The following PTPRN2 variants were observed in gnomAD, a reference collection of about 807,000 sequenced individuals.
PTPRN2 encodes protein tyrosine phosphatase receptor type N2.
A neutral mutation model predicts 118.8 loss-of-function variants in PTPRN2; 74 were observed. That is an observed-to-expected ratio of 0.62 (90% CI 0.52 to 0.76). The LOEUF is 0.76. Among genes scored for constraint, PTPRN2 ranks in the 30% least tolerant of loss-of-function variants. The probability of loss-of-function intolerance (pLI) is 0.00; values close to 1 mark genes in which losing one functional copy is unlikely to be tolerated. For missense variants in PTPRN2, 1,481 were observed against 1,394.4 expected, an observed-to-expected ratio of 1.06 and a Z score of -0.99; for synonymous variants, 641 against 608.0, an observed-to-expected ratio of 1.05 and a Z score of -0.80.
intron 3 of PTPRN2, among the ~76,000 whole-genome samples, chr7:158,270,771 T>TCCACCTGGGCCGCCCC (rs1798286899): frequency 2.0e-5 from 2 of 100,892 alleles, no homozygotes; most frequent in Admixed American, 1.0e-4. Flanking sequence ...GACCACCCCG[T>TCCACCTGGGCCGCCCC]CCACCTGGAC....
chr7:157,556,595 CCAAA>C (rs1319402784), intron 21 of PTPRN2, among the ~76,000 whole-genome samples: 13 of 149,760 alleles, frequency 8.7e-5, no homozygotes, highest in African/African-American at 2.5e-4. Context: ...ATGCACACAT[CCAAA>C]CACACACACC....
rs145212749 is a variant in PTPRN2 at position 158,224,984 on chromosome 7, T to A, written c.278-19711A>T. ...CGAAGAGATGCTGACCATCATCTCATCAGGGAAATGTCAATTACACCCACA... is the reference window on the plus strand; with the variant it reads ...CGAAGAGATGCTGACCATCATCTCAACAGGGAAATGTCAATTACACCCACA... On this transcript the variant is annotated intron_variant, in intron 3 of 22. Coordinates refer to ENST00000389418, the MANE Select transcript of PTPRN2 (RefSeq NM_002847.5). Among the ~76,000 whole-genome samples the A allele has an allele frequency of 2.0e-5, 3 of 152,186 alleles. No individual in the cohort carries two copies. In the East Asian group the frequency reaches 5.8e-4, roughly 30 times the overall value.
At chr7:157,867,336 C>G (rs1166347582) in intron 12 of PTPRN2, among the ~76,000 whole-genome samples, 1 of 122,408 alleles carries the variant, frequency 8.2e-6, no homozygotes, top group East Asian at 2.7e-4. Context: ...GTCCCTGACA[C>G]CCTGGATACA....
chr7:158,030,417 G>T (rs1563343913), intron 11 of PTPRN2: 1 of 152,190 alleles, frequency 6.6e-6, no homozygotes, highest in Admixed American at 6.5e-5. Flanking sequence ...GCTGCTTGGG[G>T]ACTATGTCCC....
chr7:157,799,830 C>T (rs571616638), intron 12 of PTPRN2, among the ~76,000 whole-genome samples: 19 of 132,506 alleles, frequency 1.4e-4, no homozygotes, highest in East Asian at 7.9e-4. Flanking sequence ...CACAGCCGGC[C>T]CCCTCCATCC....
intron 11 of PTPRN2, among the ~76,000 whole-genome samples, chr7:157,966,381 CCAT>C (rs1801929982): frequency 6.6e-6 from 1 of 151,478 alleles, no homozygotes; most frequent in Non-Finnish European, 1.5e-5. Context: ...ACCATCATTA[CCAT>C]CATCTTCATC....
intron 11 of PTPRN2, among the ~76,000 whole-genome samples, chr7:157,906,646 A>G (rs201398837): frequency 6.9e-6 from 1 of 145,460 alleles, no homozygotes; most frequent in Admixed American, 6.8e-5. Flanking sequence ...AAAAAAAAAA[A>G]GGTTTAAACA....
chr7:157,690,432 GGT>G lies in PTPRN2; in HGVS notation c.1789-7497_1789-7496del, dbSNP rs1563348938. Among the ~76,000 whole-genome samples the G allele has an allele frequency of 6.6e-6, 1 of 152,134 alleles. No homozygotes were observed. The highest frequency in any genetic ancestry group is 1.5e-5 in the Non-Finnish European group (1 of 68,008). ...TCCTCGCCCCACCACCTACGCGCCT[GGT>G]GATGCTCTCGTGGGCCCTTCCTGCT... On this transcript the variant is annotated intron_variant, in intron 12 of 22. Transcript: ENST00000389418. The surrounding 1 kb of genome is among the most constrained non-coding windows in gnomAD (Gnocchi z 7.1).
At chr7:158,145,966 G>A (rs1025314888) in intron 6 of PTPRN2, among the ~76,000 whole-genome samples, 22 of 152,190 alleles carry the variant, frequency 1.4e-4, no homozygotes, top group African/African-American at 5.1e-4. Flanking sequence ...GGTGACAAGT[G>A]AGGCATGGGC....
chr7:157,820,257 C>A (rs780159956), intron 12 of PTPRN2, among the ~76,000 whole-genome samples: 75 of 151,222 alleles, frequency 5.0e-4, no homozygotes, highest in Non-Finnish European at 8.8e-4. Context: ...TCCACACATG[C>A]AGCAGACACA....
chr7:157,664,083 TC>T (rs1218201336), intron 13 of PTPRN2, among the ~76,000 whole-genome samples: 1 of 152,142 alleles, frequency 6.6e-6, no homozygotes, highest in Non-Finnish European at 1.5e-5. Flanking sequence ...GAGCTGTTTT[TC>T]CCCTCCCAAG....
At chr7:158,096,765 C>A (rs1477804385) in intron 10 of PTPRN2, among the ~76,000 whole-genome samples, 1 of 152,232 alleles carries the variant, frequency 6.6e-6, no homozygotes, top group Non-Finnish European at 1.5e-5. Context: ...CTTGGCAAAT[C>A]CAGAACACAG....
intron 2 of PTPRN2, among the ~76,000 whole-genome samples, chr7:158,488,936 G>C (rs1821231982): frequency 6.6e-6 from 1 of 152,256 alleles, no homozygotes; most frequent in African/African-American, 2.4e-5. Context: ...AGAGCGCACA[G>C]CGCCCAGTTC....
intron 6 of PTPRN2, among the ~76,000 whole-genome samples, chr7:158,149,603 G>A (rs1173691487): frequency 6.6e-6 from 1 of 152,130 alleles, no homozygotes; most frequent in Non-Finnish European, 1.5e-5. Context: ...AGGAGTTCGA[G>A]ACCAGCCTGG....
At chr7:158,181,199 G>A (rs937003717) in intron 5 of PTPRN2, among the ~76,000 whole-genome samples, 1 of 152,014 alleles carries the variant, frequency 6.6e-6, no homozygotes, top group Non-Finnish European at 1.5e-5. Flanking sequence ...TGAGATAATC[G>A]TATGGTGTTT....
chr7:157,726,984 C>G (rs902783230), intron 12 of PTPRN2, among the ~76,000 whole-genome samples: 1 of 152,012 alleles, frequency 6.6e-6, no homozygotes, highest in Non-Finnish European at 1.5e-5. Flanking sequence ...TGACTCTTAC[C>G]GAAAAAAACA....
rs553457272 is a variant in PTPRN2 at position 157,632,580 on chromosome 7, A to C, written c.2197-11071T>G. On this transcript the variant is annotated intron_variant, in intron 14 of 22. Coordinates refer to ENST00000389418, the MANE Select transcript of PTPRN2 (RefSeq NM_002847.5). The surrounding 1 kb of genome is among the most constrained non-coding windows in gnomAD (Gnocchi z 4.3). ...GTTGGGCATTTTTTAGCAAGATATC[A>C]TATTAGGGAGTGTGCGTAGGAGGGG... Among the ~76,000 whole-genome samples the C allele has an allele frequency of 4.9e-4, 75 of 152,294 alleles. No homozygotes were observed. The highest frequency in any genetic ancestry group is 7.9e-4 in the Non-Finnish European group (54 of 68,036).
rs57453915 is a variant in PTPRN2, at chr7:157,827,362, C to CCACAACACAACACAACACAACACAA, written c.1788+71286_1788+71310dup. ...ATTTATGGATGAAGGAAGCCAGAGA[C>CCACAACACAACACAACACAACACAA]CACAACACAACACAACACAACACAA... is the stretch of plus-strand genomic sequence containing the variant. On this transcript the variant is annotated intron_variant, in intron 12 of 22. Coordinates refer to ENST00000389418, the MANE Select transcript of PTPRN2 (RefSeq NM_002847.5). 2.3e-3 allele frequency among the ~76,000 whole-genome samples: 332 copies of CCACAACACAACACAACACAACACAA among 146,710 alleles called. 2 individuals are homozygous for CCACAACACAACACAACACAACACAA. The highest frequency in any genetic ancestry group is 7.8e-3 in the East Asian group (38 of 4,878).
rs758123348 is a variant in PTPRN2 at position 158,134,014 on chromosome 7, C to T, written c.1219G>A (p.Gly407Arg). ...AGGGCTCCAGGTAAGAGTCGAGACC[C>T]GTGGTCCTGCAGGAGGCCCCCGAGT... ...ATLGGLLQDH[G>R]SRLLPGALPF... Residue 407 changes from glycine (G) to arginine (R), a missense_variant, in exon 9 of 23, where the codon GGG becomes AGG. Physicochemically the swap from Gly to Arg is moderately radical, Grantham distance 125. Transcript: ENST00000389418. The T allele has an allele frequency of 2.5e-6, 4 of 1,613,936 alleles. No homozygotes were observed. Among genetic ancestry groups the T allele is most frequent in the Admixed American group, 3.3e-5 (2 of 60,024 alleles).
Sources: gnomAD v4.1 joint callset for allele counts (sites outside exome capture counted in the v4.1 genomes callset) on GRCh38, gnomAD v4.1.1 for gene constraint, Gnocchi (gnomAD v3.1) non-coding constraint, MANE v1.5 for transcripts, NCBI Gene and HGNC (gene_info 2026-07-23, HGNC 2026-07-21) for gene names.